ARMH4: variants seen among roughly 807,000 people sequenced by gnomAD.
The protein encoded by ARMH4 is armadillo like helical domain containing 4, also known as armadillo-like helical domain-containing protein 4.
ARMH4 carries 49 observed loss-of-function variants against 61.9 expected under a neutral mutation model. The ratio of observed to expected loss-of-function variants is 0.79; its 90% CI spans 0.63 to 1.00. ARMH4 has a LOEUF of 1.00. ARMH4 is among the 50% of genes least tolerant of loss of function. The pLI, the probability that ARMH4 is intolerant of heterozygous loss-of-function variation, is 0.00. For missense variants in ARMH4, 934 were observed against 930.0 expected (o/e 1.00, Z -0.06); for synonymous variants, 368 against 341.5 (o/e 1.08, Z -0.85).
In ARMH4 at chr14:58,002,742, A is replaced by G. The variant is rs1882023633; in HGVS notation, c.*1994T>C. 1.3e-5 allele frequency: 2 copies of G among 152,256 alleles called. No individual in the cohort carries two copies. 9.4% of individuals were successfully genotyped at this position (152,256 alleles called of 1,614,324 possible). On this transcript the variant is annotated 3_prime_UTR_variant, in exon 8 of 8. Coordinates refer to ENST00000267485, the MANE Select transcript of ARMH4 (RefSeq NM_001001872.4). ...TAGAAAAGGAAAACATCCCTTATGC[A>G]ATATCAGGATGTCTCTACTCGTGAA... is the stretch of plus-strand genomic sequence containing the variant.
intron 1 of ARMH4, among the ~76,000 whole-genome samples, chr14:58,142,885 A>G (rs1887611463): frequency 6.6e-6 from 1 of 152,104 alleles, no homozygotes; most frequent in Admixed American, 6.6e-5. Flanking sequence ...ATACCACCAC[A>G]CAGCACAAGA....
Position 58,138,724 on chromosome 14 carries a change from G to A in ARMH4, c.635C>T (p.Thr212Ile). ...LGHSPSSYVN[T>I]KEMLTTNPKT... The stretch of plus-strand genomic sequence containing the variant: ...TGGATTGGTGGTTAGCATTTCCTTA[G>A]TATTCACATAGGATGAAGGTGAATG... Residue 212 changes from threonine (T) to isoleucine (I), a missense_variant, in exon 2 of 8, where the codon ACT becomes ATT. Thr to Ile is a moderately conservative substitution (Grantham distance 89). Coordinates refer to ENST00000267485, the MANE Select transcript of ARMH4 (RefSeq NM_001001872.4). The A allele has an allele frequency of 6.2e-7, 1 of 1,614,158 alleles. No individual in the cohort carries two copies. Among genetic ancestry groups the A allele is most frequent in the East Asian group, 2.2e-5 (1 of 44,880 alleles).
chr14:58,115,885 C>A (rs992758562), intron 4 of ARMH4, among the ~76,000 whole-genome samples: 2 of 151,950 alleles, frequency 1.3e-5, no homozygotes, highest in Non-Finnish European at 2.9e-5. Flanking sequence ...AAGAATGGAA[C>A]AACAGACACT....
At chr14:58,076,625 TG>T (rs1885058130) in intron 5 of ARMH4, among the ~76,000 whole-genome samples, 1 of 152,138 alleles carries the variant, frequency 6.6e-6, no homozygotes, top group African/African-American at 2.4e-5. Flanking sequence ...TTTTATTATA[TG>T]TAAATTATAT....
At position 58,022,458 on chromosome 14, in the gene ARMH4, T is replaced by C. The variant is rs151039476; in HGVS notation, c.2090-10308A>G. 3.6e-3 allele frequency among the ~76,000 whole-genome samples: 542 copies of C among 152,326 alleles called. 3 individuals are homozygous for C. The highest frequency in any genetic ancestry group is 0.01 in the African/African-American group (418 of 41,576). On this transcript the variant is annotated intron_variant, in intron 5 of 7. Coordinates refer to ENST00000267485, the MANE Select transcript of ARMH4 (RefSeq NM_001001872.4). Reference sequence around the variant, plus strand: ...ACATCTTTTGGGGAAGCCACTATTCTGCCTCATTACATCAGGTAAATCCCT... The same window carrying C: ...ACATCTTTTGGGGAAGCCACTATTCCGCCTCATTACATCAGGTAAATCCCT...
chr14:58,011,452 G>A (rs11629246), intron 6 of ARMH4, among the ~76,000 whole-genome samples: 26,873 of 151,998 alleles, frequency 0.18, 3,170 homozygotes, highest in East Asian at 0.56. Flanking sequence ...AGTGAAATCT[G>A]AGCTGGGCTG....
chr14:58,051,091 C>T (rs373083872), intron 5 of ARMH4, among the ~76,000 whole-genome samples: 9 of 150,900 alleles, frequency 6.0e-5, no homozygotes, highest in East Asian at 5.8e-4. Context: ...GGCACCCATA[C>T]GAGATTCAAG....
At chr14:58,119,140 G>A (rs900851813) in intron 4 of ARMH4, among the ~76,000 whole-genome samples, 1 of 152,188 alleles carries the variant, frequency 6.6e-6, no homozygotes, top group Non-Finnish European at 1.5e-5. Context: ...CCAATGTAAT[G>A]CTTCCAAGTG....
rs536918624 is a variant in ARMH4, at chr14:58,139,977, A to G, written c.-56-563T>C. 3.9e-5 allele frequency among the ~76,000 whole-genome samples: 6 copies of G among 152,298 alleles called. No homozygotes were observed. In the South Asian group the frequency reaches 1.2e-3, roughly 32 times the overall value. ...TGAATGGGATTTATGCCCTTATAAAAGAGACCCCAGAGCCAGGCACAGTGG... is the reference window on the plus strand; with the variant it reads ...TGAATGGGATTTATGCCCTTATAAAGGAGACCCCAGAGCCAGGCACAGTGG... On this transcript the variant is annotated intron_variant, in intron 1 of 7. Transcript: ENST00000267485.
chr14:58,073,732 A>C (rs1023462010), intron 5 of ARMH4, among the ~76,000 whole-genome samples: 14 of 152,230 alleles, frequency 9.2e-5, no homozygotes, highest in African/African-American at 3.1e-4. Context: ...ATCAAAGAGA[A>C]GAGACGTGAG....
intron 4 of ARMH4, among the ~76,000 whole-genome samples, chr14:58,127,105 T>G (rs186182939): frequency 3.4e-4 from 52 of 152,262 alleles, no homozygotes; most frequent in Non-Finnish European, 2.5e-4. Flanking sequence ...AATCTCTATG[T>G]TAAAGGTAAT....
At chr14:58,140,294 C>A (rs1326580334) in intron 1 of ARMH4, among the ~76,000 whole-genome samples, 7 of 130,672 alleles carry the variant, frequency 5.4e-5, no homozygotes, top group Non-Finnish European at 9.7e-5. Flanking sequence ...AAAAGAGAGA[C>A]CCCAGGCCAG....
intron 5 of ARMH4, among the ~76,000 whole-genome samples, chr14:58,020,897 G>T (rs1011648448): frequency 6.6e-6 from 1 of 152,172 alleles, no homozygotes; most frequent in Non-Finnish European, 1.5e-5. Context: ...GGAGATCTAG[G>T]AGAGCCACTG....
intron 5 of ARMH4, among the ~76,000 whole-genome samples, chr14:58,092,634 G>C (rs905079257): frequency 1.1e-4 from 17 of 152,098 alleles, no homozygotes; most frequent in Non-Finnish European, 8.8e-5. Context: ...GCCTTTTCCA[G>C]CTTCTAGAGG....
intron 4 of ARMH4, among the ~76,000 whole-genome samples, chr14:58,129,524 C>G (rs1336823980): frequency 6.6e-6 from 1 of 152,190 alleles, no homozygotes; most frequent in Non-Finnish European, 1.5e-5. Flanking sequence ...AATTACCTGC[C>G]TCTAGGCATA....
intron 6 of ARMH4, among the ~76,000 whole-genome samples, chr14:58,006,759 G>A (rs1477014147): frequency 2.8e-5 from 4 of 143,302 alleles, no homozygotes; most frequent in East Asian, 2.2e-4. Flanking sequence ...GGGCCCTGTC[G>A]TGGGGTGAGG....
intron 5 of ARMH4, among the ~76,000 whole-genome samples, chr14:58,066,495 T>C (rs1468512245): frequency 1.3e-5 from 2 of 152,172 alleles, no homozygotes; most frequent in African/African-American, 2.4e-5. Flanking sequence ...GAGGTAATGA[T>C]TGCAAAACAC....
intron 5 of ARMH4, among the ~76,000 whole-genome samples, chr14:58,074,794 T>C (rs1884994127): frequency 2.0e-5 from 3 of 152,302 alleles, no homozygotes; most frequent in Non-Finnish European, 2.9e-5. Context: ...ATTTATTTAG[T>C]TGTAAATTTA....
chr14:58,141,170 T>C (rs1887536762), intron 1 of ARMH4: 1 of 248,062 alleles, frequency 4.0e-6, no homozygotes, highest in Admixed American at 5.1e-5. Context: ...CATTAAATGC[T>C]GAATACCAGT....
Sources: gnomAD v4.1 joint callset for allele counts (sites outside exome capture counted in the v4.1 genomes callset) on GRCh38, gnomAD v4.1.1 for gene constraint, MANE v1.5 for transcripts, NCBI Gene and HGNC (gene_info 2026-07-23, HGNC 2026-07-21) for gene names.